The following SETBP1 variants were observed in gnomAD, a reference collection of about 807,000 sequenced individuals.
SETBP1 encodes the protein SET binding protein 1, also known as SET-binding protein.
Under a neutral mutation model 101.0 loss-of-function variants are expected in SETBP1, and 9 were observed. The observed-to-expected ratio is 0.09, with a 90% CI of 0.05 to 0.16. The LOEUF (loss-of-function observed/expected upper bound fraction) is 0.16, where lower values mean the gene tolerates loss of function less well. Ranked by LOEUF, SETBP1 falls within the 10% of genes least tolerant of loss-of-function variation. The pLI is 1.00. For synonymous variants in SETBP1, 818 were observed against 788.5 expected, an observed-to-expected ratio of 1.04 and a Z score of -0.63; for missense variants, 1,858 against 2,033.8, an observed-to-expected ratio of 0.91 and a Z score of 1.66.
rs532867938 is a variant in SETBP1, at chr18:44,971,770, C to A, written c.4000+18430C>A. 6.7e-3 allele frequency among the ~76,000 whole-genome samples: 1,027 copies of A among 152,194 alleles called. 11 individuals are homozygous for A. The highest frequency in any genetic ancestry group is 0.023 in the African/African-American group (955 of 41,534). On this transcript the variant is annotated intron_variant, in intron 4 of 5. Transcript: ENST00000649279. The stretch of plus-strand genomic sequence containing the variant: ...TGTTTGAGTTCATTGTAGATTCTGG[C>A]TATTAGCCCTTTGTCAGATGAGTAG...
chr18:44,810,308 T>C (rs1012252609), intron 2 of SETBP1, among the ~76,000 whole-genome samples: 2 of 152,168 alleles, frequency 1.3e-5, no homozygotes, highest in Admixed American at 6.5e-5. Flanking sequence ...CCATCTAACA[T>C]TGGGAAAATT....
At chr18:44,857,035 T>C (rs1260503098) in intron 2 of SETBP1, among the ~76,000 whole-genome samples, 1 of 152,194 alleles carries the variant, frequency 6.6e-6, no homozygotes, top group East Asian at 1.9e-4. Context: ...TCTTATCTAG[T>C]TATAAGTGAA....
At chr18:45,047,736 G>A (rs2073640898) in intron 5 of SETBP1, among the ~76,000 whole-genome samples, 1 of 152,160 alleles carries the variant, frequency 6.6e-6, no homozygotes. Context: ...GATCTTGAGT[G>A]GTCCAGGCAG....
At chr18:44,944,569 G>A (rs893894347) in intron 3 of SETBP1, among the ~76,000 whole-genome samples, 1 of 152,078 alleles carries the variant, frequency 6.6e-6, no homozygotes, top group Middle Eastern at 3.2e-3. Context: ...ATTCTGATAC[G>A]GTAATCTAGG....
intron 3 of SETBP1, chr18:44,876,731 C>A: frequency 6.5e-7 from 1 of 1,540,552 alleles, no homozygotes; most frequent in Non-Finnish European, 8.8e-7. Context: ...AGTGAACCTG[C>A]AGTCTGGGCA....
At chr18:44,961,366 AT>A (rs2071607384) in intron 4 of SETBP1, among the ~76,000 whole-genome samples, 1 of 152,222 alleles carries the variant, frequency 6.6e-6, no homozygotes, top group Non-Finnish European at 1.5e-5. Context: ...AACATTATGT[AT>A]TTGATGTCTC....
chr18:44,949,827 C>A, intron 3 of SETBP1, 54 bp from the exon 4 acceptor site: 1 of 1,387,878 alleles, frequency 7.2e-7, no homozygotes, highest in South Asian at 1.2e-5. Flanking sequence ...TCAACATGCT[C>A]ATCTTTGTTT....
chr18:44,952,705 G>A lies in SETBP1; in HGVS notation c.3365G>A (p.Ser1122Asn). The change falls in exon 4 of 6, where the codon AGC (serine) becomes AAC (asparagine). Residue 1122 changes from serine (S) to asparagine (N), a missense_variant. Coordinates refer to ENST00000649279, the MANE Select transcript of SETBP1 (RefSeq NM_015559.3). ...KHGVHLQGPVSMGLGDMQPSL... is the reference protein window; with the variant it reads ...KHGVHLQGPVNMGLGDMQPSL... ...GGAGTACACCTGCAGGGACCTGTTA[G>A]CATGGGCCTTGGTGACATGCAGCCT... 1.2e-6 allele frequency: 2 copies of A among 1,614,136 alleles called. No homozygotes were observed. Among genetic ancestry groups the A allele is most frequent in the South Asian group, 1.1e-5 (1 of 91,078 alleles).
At chr18:44,855,423 C>G (rs370482272) in intron 2 of SETBP1, among the ~76,000 whole-genome samples, 1 of 152,196 alleles carries the variant, frequency 6.6e-6, no homozygotes, top group African/African-American at 2.4e-5. Context: ...TACCCTCACA[C>G]CTGGATTGGC....
At chr18:44,803,830 G>T (rs965832166) in intron 2 of SETBP1, among the ~76,000 whole-genome samples, 1 of 151,862 alleles carries the variant, frequency 6.6e-6, no homozygotes, top group Non-Finnish European at 1.5e-5. Context: ...TTCCTATCTA[G>T]CTAAAATTTA....
At chr18:45,053,823 G>A (rs1279281039) in intron 5 of SETBP1, among the ~76,000 whole-genome samples, 2 of 151,988 alleles carry the variant, frequency 1.3e-5, no homozygotes, top group Non-Finnish European at 2.9e-5. Context: ...GTAAGAACAT[G>A]CATGCACAAT....
At chr18:44,949,313 G>C (rs1268267040) in intron 3 of SETBP1, among the ~76,000 whole-genome samples, 1 of 152,232 alleles carries the variant, frequency 6.6e-6, no homozygotes, top group Non-Finnish European at 1.5e-5. Flanking sequence ...GTACAGAGAT[G>C]TTGAGCTCTA....
chr18:44,693,445 A>G (rs1160995476), intron 1 of SETBP1, among the ~76,000 whole-genome samples: 1 of 152,188 alleles, frequency 6.6e-6, no homozygotes, highest in Non-Finnish European at 1.5e-5. Context: ...AAGGCACAAA[A>G]AGGGGAGTTA....
chr18:44,902,773 A>G (rs532032037), intron 3 of SETBP1, among the ~76,000 whole-genome samples: 1 of 152,234 alleles, frequency 6.6e-6, no homozygotes, highest in South Asian at 2.1e-4. Context: ...TTCAGAATAA[A>G]TTCTGACTTA....
At chr18:45,055,039 G>A (rs1369551490) in intron 5 of SETBP1, among the ~76,000 whole-genome samples, 1 of 152,200 alleles carries the variant, frequency 6.6e-6, no homozygotes, top group Non-Finnish European at 1.5e-5. Flanking sequence ...GGAGTTGACA[G>A]TCTGAAACAA....
intron 2 of SETBP1, among the ~76,000 whole-genome samples, chr18:44,703,936 T>A (rs2069166492): frequency 6.6e-6 from 1 of 152,224 alleles, no homozygotes; most frequent in Admixed American, 6.5e-5. Flanking sequence ...TGGCCAGTTC[T>A]TTGTGTGTTG....
chr18:45,013,810 A>G (rs2072889278), intron 4 of SETBP1, among the ~76,000 whole-genome samples: 1 of 152,184 alleles, frequency 6.6e-6, no homozygotes, highest in African/African-American at 2.4e-5. Flanking sequence ...CAATCCTGAC[A>G]TGAAGTCTGA....
At chr18:44,794,711 A>T (rs2071438055) in intron 2 of SETBP1, among the ~76,000 whole-genome samples, 1 of 152,262 alleles carries the variant, frequency 6.6e-6, no homozygotes, top group South Asian at 2.1e-4. Context: ...CACTCAAATA[A>T]ACAACAGGAA....
intron 4 of SETBP1, among the ~76,000 whole-genome samples, chr18:45,014,262 G>C (rs1194224114): frequency 6.6e-6 from 1 of 152,162 alleles, no homozygotes; most frequent in African/African-American, 2.4e-5. Flanking sequence ...AGAGGAATCG[G>C]TTTCAGCCCA....
Sources: gnomAD v4.1 joint callset for allele counts (sites outside exome capture counted in the v4.1 genomes callset) on GRCh38, gnomAD v4.1.1 for gene constraint, MANE v1.5 for transcripts, NCBI Gene and HGNC (gene_info 2026-07-23, HGNC 2026-07-21) for gene names.